Variants in MARCHF3 observed in about 807,000 individuals in gnomAD.
MARCHF3 encodes the protein membrane associated ring-CH-type finger 3.
A neutral mutation model predicts 24.2 loss-of-function variants in MARCHF3; 13 were observed. The ratio of observed to expected loss-of-function variants is 0.54; its 90% CI spans 0.35 to 0.85. The LOEUF is 0.85. Ranked by LOEUF, MARCHF3 falls within the 40% of genes least tolerant of loss-of-function variation. The pLI is 0.01. For missense variants in MARCHF3, 276 were observed against 325.0 expected, an observed-to-expected ratio of 0.85 and a Z score of 1.16; for synonymous variants, 144 against 137.3, an observed-to-expected ratio of 1.05 and a Z score of -0.34.
At chr5:126,911,885 T>C (rs1027871210) in intron 3 of MARCHF3, among the ~76,000 whole-genome samples, 1 of 152,204 alleles carries the variant, frequency 6.6e-6, no homozygotes, top group African/African-American at 2.4e-5. Context: ...ATTTTAAGTG[T>C]AGAATACACA....
chr5:126,939,251 G>A (rs1005730000), intron 1 of MARCHF3, among the ~76,000 whole-genome samples: 2 of 152,130 alleles, frequency 1.3e-5, no homozygotes, highest in African/African-American at 4.8e-5. Context: ...ATATGAAAAG[G>A]TTAGGCTCAA....
At chr5:127,011,810 C>A (rs946127553) in intron 1 of MARCHF3, among the ~76,000 whole-genome samples, 1 of 152,170 alleles carries the variant, frequency 6.6e-6, no homozygotes, top group Admixed American at 6.6e-5. Context: ...ATTATTGCTT[C>A]CCATGGATAC....
At chr5:127,015,294 A>G (rs1752602926) in intron 1 of MARCHF3, among the ~76,000 whole-genome samples, 1 of 152,194 alleles carries the variant, frequency 6.6e-6, no homozygotes, top group Admixed American at 6.5e-5. Context: ...AACAATGTCA[A>G]GTAGGTTTAG....
chr5:126,895,337 G>C (rs1753842099), intron 3 of MARCHF3, among the ~76,000 whole-genome samples: 1 of 152,114 alleles, frequency 6.6e-6, no homozygotes. Flanking sequence ...ATCTAGCTTT[G>C]TTCCGTTGCT....
intron 1 of MARCHF3, among the ~76,000 whole-genome samples, chr5:126,959,262 T>C (rs994520383): frequency 6.6e-6 from 1 of 152,130 alleles, no homozygotes; most frequent in South Asian, 2.1e-4. Flanking sequence ...TGATGAAAAA[T>C]AGCCCTTTAC....
At chr5:126,965,716 G>A in intron 1 of MARCHF3, among the ~76,000 whole-genome samples, 1 of 152,270 alleles carries the variant, frequency 6.6e-6, no homozygotes, top group South Asian at 2.1e-4. Flanking sequence ...GAGAGAAAGA[G>A]AGGATTTTCT....
chr5:126,992,589 G>C (rs1002192688), intron 1 of MARCHF3, among the ~76,000 whole-genome samples: 2 of 152,084 alleles, frequency 1.3e-5, no homozygotes, highest in Non-Finnish European at 2.9e-5. Flanking sequence ...CTACTACGTA[G>C]AAATTACGTA....
chr5:126,917,844 GTC>G, intron 2 of MARCHF3, 138 bp downstream of exon 2: 1 of 777,678 alleles, frequency 1.3e-6, no homozygotes, highest in Non-Finnish European at 2.0e-6. Flanking sequence ...AACTCGTGTA[GTC>G]TTTTTTTTTT....
chr5:126,910,496 A>G (rs1437519256), intron 3 of MARCHF3, among the ~76,000 whole-genome samples: 2 of 152,228 alleles, frequency 1.3e-5, no homozygotes, highest in Non-Finnish European at 2.9e-5. Flanking sequence ...GGGACCCTGA[A>G]CGGAGGGACC....
At chr5:126,900,305 T>C (rs1173636810) in intron 3 of MARCHF3, among the ~76,000 whole-genome samples, 5 of 152,082 alleles carry the variant, frequency 3.3e-5, no homozygotes, top group Non-Finnish European at 7.4e-5. Flanking sequence ...AATGTTTGTG[T>C]CCTCCAAAAT....
chr5:126,989,175 A>C (rs570449497), intron 1 of MARCHF3, among the ~76,000 whole-genome samples: 11 of 152,082 alleles, frequency 7.2e-5, no homozygotes, highest in Non-Finnish European at 1.6e-4. Flanking sequence ...GCTACTCAGG[A>C]AGCTGAGGTG....
chr5:126,892,787 A>G (rs889420109), intron 3 of MARCHF3, among the ~76,000 whole-genome samples: 3 of 143,122 alleles, frequency 2.1e-5, no homozygotes, highest in Admixed American at 6.7e-5. Flanking sequence ...TTCGTATCAG[A>G]ATGATGCTGG....
Position 126,869,979 on chromosome 5 carries a change from A to C in MARCHF3, c.*654T>G, listed in dbSNP as rs1043922570. ...TTTTTTTCTCCTTAATGATATTTAA[A>C]TAAACAGCTCACTGTGTGAGCTCAC... On this transcript the variant is annotated 3_prime_UTR_variant, in exon 5 of 5. Coordinates refer to ENST00000308660, the MANE Select transcript of MARCHF3 (RefSeq NM_178450.5). 3.3e-5 allele frequency: 5 copies of C among 151,152 alleles called. No homozygotes were observed. Among genetic ancestry groups the C allele is most frequent in the Admixed American group, 3.3e-4 (5 of 15,260 alleles). The allele number at this position is 151,152 out of a possible 1,614,324, so 9.4% of individuals were successfully genotyped here. A position where few individuals can be genotyped will look rare whatever the true frequency, so the allele number is the denominator to read the frequency against.
intron 1 of MARCHF3, among the ~76,000 whole-genome samples, chr5:126,921,511 G>A (rs761528348): frequency 2.0e-5 from 3 of 152,344 alleles, no homozygotes; most frequent in South Asian, 2.1e-4. Flanking sequence ...TCCTTGTCTA[G>A]TTCAAAGCCA....
chr5:126,956,916 C>A (rs1485149680), intron 1 of MARCHF3, among the ~76,000 whole-genome samples: 1 of 152,014 alleles, frequency 6.6e-6, no homozygotes, highest in Non-Finnish European at 1.5e-5. Context: ...AGGTTAAGAA[C>A]GGTGTTTCTT....
intron 1 of MARCHF3, among the ~76,000 whole-genome samples, chr5:126,966,926 TTTTTTTTTTTTTTTTTTTTG>T (rs1750836480): frequency 3.1e-5 from 4 of 127,822 alleles, no homozygotes; most frequent in African/African-American, 1.1e-4. Flanking sequence ...TTTTTTTTTT[TTTTTTTTTTTTTTTTTTTTG>T]CTATTACCTA....
At chr5:127,027,880 G>A (rs751995961) in intron 1 of MARCHF3, among the ~76,000 whole-genome samples, 9 of 152,126 alleles carry the variant, frequency 5.9e-5, no homozygotes, top group Non-Finnish European at 1.0e-4. Context: ...AATCACTTGC[G>A]GGTGCCTGTG....
chr5:126,975,793 G>A (rs1207845664), intron 1 of MARCHF3, among the ~76,000 whole-genome samples: 1 of 152,216 alleles, frequency 6.6e-6, no homozygotes, highest in African/African-American at 2.4e-5. Flanking sequence ...TAAAAATCAT[G>A]ATGATTCAAA....
At chr5:126,973,309 C>T (rs1030733117) in intron 1 of MARCHF3, among the ~76,000 whole-genome samples, 3 of 152,234 alleles carry the variant, frequency 2.0e-5, no homozygotes, top group Non-Finnish European at 4.4e-5. Flanking sequence ...TGTGACTATC[C>T]TGTGTCCACG....
Sources: gnomAD v4.1 joint callset for allele counts (sites outside exome capture counted in the v4.1 genomes callset) on GRCh38, gnomAD v4.1.1 for gene constraint, MANE v1.5 for transcripts, NCBI Gene and HGNC (gene_info 2026-07-23, HGNC 2026-07-21) for gene names.